TTC23L: variants seen among roughly 807,000 people sequenced by gnomAD.
The protein encoded by TTC23L is tetratricopeptide repeat domain 23 like, also known as tetratricopeptide repeat protein 23-like.
A neutral mutation model predicts 48.1 loss-of-function variants in TTC23L; 42 were observed. That is an observed-to-expected ratio of 0.87 (90% CI 0.68 to 1.13). The LOEUF is 1.13. Ranked by LOEUF, TTC23L falls within the 50% of genes most tolerant of loss-of-function variation. The pLI is 0.00. For missense variants in TTC23L, 391 were observed against 421.0 expected (o/e 0.93, Z 0.62); for synonymous variants, 159 against 157.2 (o/e 1.01, Z -0.09).
chr5:34,925,502 G>A, the TTC23L span: 1 of 1,599,060 alleles, frequency 6.3e-7, no homozygotes, highest in Non-Finnish European at 8.5e-7. Flanking sequence ...ATAAGTCAAT[G>A]GAAACCTGAT....
chr5:34,891,774 C>T (rs1211394730), intron 9 of TTC23L, among the ~76,000 whole-genome samples: 3 of 152,278 alleles, frequency 2.0e-5, no homozygotes, highest in African/African-American at 4.8e-5. Flanking sequence ...TCTAATTCTT[C>T]GGTAGCCTGA....
At chr5:34,890,391 G>A (rs1310766742) in intron 9 of TTC23L, among the ~76,000 whole-genome samples, 5 of 143,120 alleles carry the variant, frequency 3.5e-5, no homozygotes, top group East Asian at 4.2e-4. Context: ...GCAGTGAGCC[G>A]CGATTGCACC....
chr5:34,892,703 G>T (rs1011760630), intron 9 of TTC23L, among the ~76,000 whole-genome samples: 6 of 152,166 alleles, frequency 3.9e-5, no homozygotes, highest in Non-Finnish European at 8.8e-5. Context: ...GCCATTAGCA[G>T]GTAGACAAGA....
the TTC23L span, chr5:34,914,838 C>A: frequency 5.6e-6 from 9 of 1,614,028 alleles, no homozygotes; most frequent in African/African-American, 1.2e-4. Context: ...TCAAGGCTGG[C>A]CACAAGGCTG....
intron 3 of TTC23L, among the ~76,000 whole-genome samples, chr5:34,848,405 C>T (rs887757775): frequency 6.6e-6 from 1 of 152,168 alleles, no homozygotes; most frequent in Non-Finnish European, 1.5e-5. Context: ...GAATGTGTTA[C>T]ACCTGTGTGT....
intron 8 of TTC23L, among the ~76,000 whole-genome samples, chr5:34,871,539 A>G (rs1371044496): frequency 6.6e-6 from 1 of 152,212 alleles, no homozygotes; most frequent in African/African-American, 2.4e-5. Flanking sequence ...ATTTGTAAAT[A>G]TAGACAAGCT....
chr5:34,910,374 T>A, the TTC23L span, among the ~76,000 whole-genome samples: 1 of 152,082 alleles, frequency 6.6e-6, no homozygotes, highest in Non-Finnish European at 1.5e-5. Flanking sequence ...TCTCAGACCT[T>A]GAGCCAAATT....
At chr5:34,914,744 T>C in the TTC23L span, 12 of 1,614,250 alleles carry the variant, frequency 7.4e-6, no homozygotes, top group African/African-American at 5.3e-5. Context: ...CACTGTTACT[T>C]TGATACCATT....
intron 9 of TTC23L, among the ~76,000 whole-genome samples, chr5:34,893,410 G>A (rs1428790976): frequency 6.6e-6 from 1 of 152,166 alleles, no homozygotes; most frequent in Non-Finnish European, 1.5e-5. Flanking sequence ...GGAGCTCAAA[G>A]AAATGATTCT....
chr5:34,855,548 G>A lies in TTC23L; in HGVS notation c.379+5240G>A, dbSNP rs186252544. ...TTTTAAACCAGAAACCCACTTCTGG[G>A]AATCTTTCCTAAATACACACTGATA... On this transcript the variant is annotated intron_variant, in intron 4 of 10. Coordinates refer to ENST00000505624, the Ensembl canonical transcript of TTC23L. 4.3e-4 allele frequency among the ~76,000 whole-genome samples: 65 copies of A among 152,262 alleles called. 1 individual carries two copies. Among genetic ancestry groups the A allele is most frequent in the Non-Finnish European group, 6.3e-4 (43 of 68,016 alleles).
chr5:34,849,528 GAA>G (rs1174106454), intron 3 of TTC23L, among the ~76,000 whole-genome samples: 6 of 152,176 alleles, frequency 3.9e-5, no homozygotes, highest in African/African-American at 1.4e-4. Context: ...ACCTATAGAT[GAA>G]AAGAGACTGA....
At chr5:34,903,743 C>A (rs917309159), downstream of TTC23L, among the ~76,000 whole-genome samples, 2 of 152,084 alleles carry the variant, frequency 1.3e-5, no homozygotes, top group African/African-American at 4.8e-5. Context: ...TAAATTCAAC[C>A]AATCTGGATA....
the TTC23L span, chr5:34,921,433 G>A: frequency 6.6e-6 from 1 of 152,254 alleles, no homozygotes; most frequent in Non-Finnish European, 1.5e-5. Flanking sequence ...AAGCTAAAAA[G>A]TTAAAAATCA....
At chr5:34,846,769 G>A (rs536802490) in intron 3 of TTC23L, among the ~76,000 whole-genome samples, 80 of 150,638 alleles carry the variant, frequency 5.3e-4, no homozygotes, top group Non-Finnish European at 1.0e-3. Flanking sequence ...GGGATAGTAA[G>A]GCAGGAGGTT....
the TTC23L span, chr5:34,911,500 G>T: frequency 2.6e-6 from 4 of 1,566,968 alleles, no homozygotes; most frequent in Non-Finnish European, 3.5e-6. Flanking sequence ...AAATGTCTAA[G>T]TGGGAAGATG....
At chr5:34,845,385 C>A in intron 2 of TTC23L, 102 bp from the exon 3 acceptor site, 1 of 1,212,540 alleles carries the variant, frequency 8.2e-7, no homozygotes, top group Non-Finnish European at 1.1e-6. Flanking sequence ...TGTTAGAAAT[C>A]ATGTCCCTAT....
At chr5:34,866,118 GT>G (rs1761033884) in intron 6 of TTC23L, among the ~76,000 whole-genome samples, 1 of 152,092 alleles carries the variant, frequency 6.6e-6, no homozygotes, top group Non-Finnish European at 1.5e-5. Flanking sequence ...ATGAGATATT[GT>G]TTTATCCTCA....
At chr5:34,839,462 A>C (rs1476629833) in intron 1 of TTC23L, 1 of 195,656 alleles carries the variant, frequency 5.1e-6, no homozygotes, top group Admixed American at 6.5e-5. Context: ...TTGCCGCAGA[A>C]CCACAGCGGG....
the TTC23L span, chr5:34,911,962 C>T: frequency 2.2e-6 from 2 of 925,644 alleles, no homozygotes; most frequent in East Asian, 2.5e-5. Flanking sequence ...ATGACATCTT[C>T]CCTGATGACA....
Sources: gnomAD v4.1 joint callset for allele counts (sites outside exome capture counted in the v4.1 genomes callset) on GRCh38, gnomAD v4.1.1 for gene constraint, MANE v1.5 for transcripts, NCBI Gene and HGNC (gene_info 2026-07-23, HGNC 2026-07-21) for gene names.